CASKIN1: variants seen among roughly 807,000 people sequenced by gnomAD.
CASKIN1 encodes CASK interacting protein 1.
A neutral mutation model predicts 117.5 loss-of-function variants in CASKIN1; 42 were observed. That is an observed-to-expected ratio of 0.36 (90% CI 0.28 to 0.46). CASKIN1 has a LOEUF of 0.46. CASKIN1 is among the 20% of genes least tolerant of loss of function. The pLI is 1.00. For missense variants in CASKIN1, 2,083 were observed against 2,077.3 expected (o/e 1.00, Z -0.05); for synonymous variants, 1,148 against 961.7 (o/e 1.19, Z -3.59).
intron 19 of CASKIN1, 22 bp downstream of exon 19, chr16:2,178,880 C>G: frequency 7.1e-7 from 1 of 1,418,302 alleles, no homozygotes; most frequent in Non-Finnish European, 9.1e-7. Flanking sequence ...CCTCCGCCCG[C>G]CAGGCCCCGC....
At position 2,182,268 on chromosome 16, in the gene CASKIN1, G is replaced by A. The variant is rs1401179978; in HGVS notation, c.1630-339C>T. ...ACACACCCGAGTCATGGACACAGAC[G>A]CATGGGGCCACACCTGGTACAGGAA... On this transcript the variant is annotated intron_variant, in intron 16 of 19. Transcript: ENST00000343516. This position sits in a 1 kb window ranked among gnomAD's most constrained non-coding sequence, Gnocchi z 4.1. Among the ~76,000 whole-genome samples the A allele has an allele frequency of 2.0e-5, 3 of 151,970 alleles. No homozygotes were observed. The highest frequency in any genetic ancestry group is 2.9e-5 in the Non-Finnish European group (2 of 67,976).
intron 1 of CASKIN1, among the ~76,000 whole-genome samples, chr16:2,192,330 A>C (rs577821899): frequency 1.3e-5 from 2 of 151,124 alleles, no homozygotes; most frequent in African/African-American, 4.9e-5. Context: ...AGAGAACATG[A>C]ATCAGATCTT....
In CASKIN1 at chr16:2,180,749, C is replaced by G; in HGVS notation, c.2619G>C (p.Pro873=). 7 of 1,439,152 alleles carry G rather than the reference C, an allele frequency of 4.9e-6. No individual in the cohort carries two copies. Among genetic ancestry groups the G allele is most frequent in the Non-Finnish European group, 6.3e-6 (7 of 1,104,034 alleles). The allele number at this position is 1,439,152 out of a possible 1,614,324, so 89.1% of individuals were successfully genotyped here. Residue 873 remains proline, a synonymous_variant, in exon 18 of 20, where the codon CCG becomes CCC. Coordinates refer to ENST00000343516, the MANE Select transcript of CASKIN1 (RefSeq NM_020764.4). ...LCLPPEADAE[P]GRPKKRAHSL... is the part of the protein sequence containing the mutation. Reference sequence around the variant, plus strand: ...TGTGGGCCCGCTTCTTGGGCCGCCCCGGCTCCGCGTCGGCCTCAGGGGGCA... The same window carrying G: ...TGTGGGCCCGCTTCTTGGGCCGCCCGGGCTCCGCGTCGGCCTCAGGGGGCA...
intron 14 of CASKIN1, 85 bp downstream of exon 14, chr16:2,184,692 G>T (rs557306538): frequency 1.6e-6 from 2 of 1,224,440 alleles, no homozygotes; most frequent in East Asian, 2.8e-5. Context: ...TGCCAGGCCA[G>T]GCAGGCCGTG....
At position 2,181,474 on chromosome 16, in the gene CASKIN1, CGAT is replaced by C. The variant is rs770027178; in HGVS notation, c.1891_1893del (p.Ile631del). The C allele has an allele frequency of 1.4e-5, 22 of 1,611,516 alleles. 1 individual carries two copies. Among genetic ancestry groups the C allele is most frequent in the Middle Eastern group, 3.3e-4 (2 of 6,078 alleles). The stretch of plus-strand genomic sequence containing the variant: ...GTGGGCTCAGGCGGGGGCGGCGACT[CGAT>C]GGCCATCACTTCAAGAGACTGGGGC... On this transcript the variant is annotated inframe_deletion, in exon 18 of 20. Transcript: ENST00000343516.
intron 6 of CASKIN1, among the ~76,000 whole-genome samples, chr16:2,188,413 C>T (rs183227656): frequency 1.5e-4 from 23 of 151,890 alleles, no homozygotes; most frequent in Middle Eastern, 3.4e-3. Flanking sequence ...TACAGTGGCA[C>T]AATCATCGCT....
At chr16:2,190,024 C>G (rs747430791) in intron 3 of CASKIN1, 49 bp downstream of exon 3, 2 of 1,518,330 alleles carry the variant, frequency 1.3e-6, no homozygotes, top group Admixed American at 1.7e-5. Flanking sequence ...GGGAGCCCCC[C>G]TCGCTGCCCC....
chr16:2,178,025 A>G lies in CASKIN1; in HGVS notation c.*525T>C. 2.3e-6 allele frequency: 1 copy of G among 435,920 alleles called. No individual in the cohort carries two copies. Among genetic ancestry groups the G allele is most frequent in the Non-Finnish European group, 4.3e-6 (1 of 231,592 alleles). The allele number at this position is 435,920 out of a possible 1,614,324, so 27.0% of individuals were successfully genotyped here. ...TAAATGGTTTTCTATAGAATCAATA[A>G]TATTTCTTTCTTTAAATATATATTT... On this transcript the variant is annotated 3_prime_UTR_variant, in exon 20 of 20. Coordinates refer to ENST00000343516, the MANE Select transcript of CASKIN1 (RefSeq NM_020764.4).
rs2093167165 is a variant in CASKIN1, at chr16:2,181,304, G to A, written c.2064C>T (p.Ala688=). The A allele has an allele frequency of 6.2e-7, 1 of 1,603,580 alleles. No homozygotes were observed. The highest frequency in any genetic ancestry group is 1.3e-5 in the African/African-American group (1 of 74,852). The change falls in exon 18 of 20, where the codon GCC becomes GCT. Residue 688 remains alanine (A), a synonymous_variant. Transcript: ENST00000343516. ...PSSHLPPTPR[A]TTRQDSSLGG... Reference sequence around the variant, plus strand: ...CCAGGCTGGAGTCCTGCCGCGTGGTGGCCCTCGGGGTGGGTGGCAGGTGGC... The same window carrying A: ...CCAGGCTGGAGTCCTGCCGCGTGGTAGCCCTCGGGGTGGGTGGCAGGTGGC...
chr16:2,183,578 G>A (rs550288397), intron 16 of CASKIN1, 68 bp downstream of exon 16: 2 of 1,484,216 alleles, frequency 1.3e-6, no homozygotes, highest in South Asian at 2.3e-5. Context: ...GGCCAGGGAG[G>A]CAGGTTCTCT....
Position 2,179,587 on chromosome 16 carries a change from G to A in CASKIN1, c.3775+6C>T. 7.0e-7 allele frequency: 1 copy of A among 1,438,490 alleles called. No homozygotes were observed. The highest frequency in any genetic ancestry group is 2.6e-5 in the East Asian group (1 of 38,790). 89.1% of individuals were successfully genotyped at this position (1,438,490 alleles called of 1,614,324 possible). A position where few individuals can be genotyped will look rare whatever the true frequency, so the allele number is the denominator to read the frequency against. ...TTGCCCCTTCACCCCACCCTGGCTGGCCTACCTGGGCTGCCAGGGCCTGGC... is the reference window on the plus strand; with the variant it reads ...TTGCCCCTTCACCCCACCCTGGCTGACCTACCTGGGCTGCCAGGGCCTGGC... On this transcript the variant is annotated splice_donor_region_variant and intron_variant, in intron 18 of 19. Coordinates refer to ENST00000343516, the MANE Select transcript of CASKIN1 (RefSeq NM_020764.4). The surrounding 1 kb of genome is among the most constrained non-coding windows in gnomAD (Gnocchi z 5.8).
In CASKIN1 at chr16:2,182,141, A is replaced by G. The variant is rs888818737; in HGVS notation, c.1630-212T>C. Among the ~76,000 whole-genome samples the G allele has an allele frequency of 3.9e-5, 6 of 152,138 alleles. No individual in the cohort carries two copies. The highest frequency in any genetic ancestry group is 9.7e-5 in the African/African-American group (4 of 41,412). ...TGCCGCATATCGCACACATGCGCAC[A>G]CACGCACGGCTGCCCACATCCACAG... On this transcript the variant is annotated intron_variant, in intron 16 of 19. Transcript: ENST00000343516. The surrounding 1 kb of genome is among the most constrained non-coding windows in gnomAD (Gnocchi z 4.1).
At chr16:2,189,585 G>A (rs1451041013) in intron 3 of CASKIN1, 21 bp from the exon 4 acceptor site, 1 of 1,582,610 alleles carries the variant, frequency 6.3e-7, no homozygotes, top group Admixed American at 1.7e-5. Flanking sequence ...AGGGGATGCT[G>A]GGAGCTGACC....
intron 1 of CASKIN1, 143 bp from the exon 2 acceptor site, chr16:2,190,501 G>A (rs756733428): frequency 4.5e-5 from 33 of 736,852 alleles, no homozygotes; most frequent in Non-Finnish European, 6.9e-5. Flanking sequence ...TCGTCCACTC[G>A]TGCACTCACG....
Position 2,181,936 on chromosome 16 carries a change from A to G in CASKIN1, c.1630-7T>C, listed in dbSNP as rs746893236. 5 of 1,613,124 alleles carry G rather than the reference A, an allele frequency of 3.1e-6. No homozygotes were observed. The highest frequency in any genetic ancestry group is 4.2e-6 in the Non-Finnish European group (5 of 1,179,766). On this transcript the variant is annotated splice_polypyrimidine_tract_variant and splice_region_variant and intron_variant, in intron 16 of 19. Transcript: ENST00000343516. ...GCCACACGGCCAGGTTAGCCTACAG[A>G]GCAGACACACAGAGGAGCCACCTGG...
At position 2,190,512 on chromosome 16, in the gene CASKIN1, C is replaced by T. The variant is rs374301890; in HGVS notation, c.95-154G>A. Among the ~76,000 whole-genome samples the T allele has an allele frequency of 2.2e-4, 33 of 152,348 alleles. No homozygotes were observed. The South Asian group carries it at 6.2e-3, about 29-fold the overall frequency. On this transcript the variant is annotated intron_variant, in intron 1 of 19. Transcript: ENST00000343516. ...TCACTCGTCCACTCGTGCACTCACGCGTTCAGCTCTGCCCCGCAGCCTGCC... is the reference window on the plus strand; with the variant it reads ...TCACTCGTCCACTCGTGCACTCACGTGTTCAGCTCTGCCCCGCAGCCTGCC...
Position 2,179,740 on chromosome 16 carries a change from G to T in CASKIN1, c.3628C>A (p.Pro1210Thr). The T allele has an allele frequency of 6.4e-7, 1 of 1,556,956 alleles. No homozygotes were observed. Among genetic ancestry groups the T allele is most frequent in the East Asian group, 2.4e-5 (1 of 42,468 alleles). The change falls in exon 18 of 20, where the codon CCA becomes ACA. Residue 1210 changes from proline to threonine, a missense_variant. Pro to Thr is a conservative substitution (Grantham distance 38). Transcript: ENST00000343516. This position sits in a 1 kb window ranked among gnomAD's most constrained non-coding sequence, Gnocchi z 5.8. ...PPPTDLAHLP[P>T]LPPPEGEARK... ...GCTTCGCCCTCGGGCGGGGGCAATGGGGGTAGGTGCGCCAGGTCGGTGGGC... is the reference window on the plus strand; with the variant it reads ...GCTTCGCCCTCGGGCGGGGGCAATGTGGGTAGGTGCGCCAGGTCGGTGGGC...
rs1157684998 is a variant in CASKIN1 at position 2,177,513 on chromosome 16, CAGG to C, written c.*1034_*1036del. The stretch of plus-strand genomic sequence containing the variant: ...ACCAGTCAGTACTTCTTGGAGGGGG[CAGG>C]AGGAGAGAGGAAAAGGGAGGGCGAG... On this transcript the variant is annotated 3_prime_UTR_variant, in exon 20 of 20. Transcript: ENST00000343516. 8.6e-6 allele frequency: 2 copies of C among 233,528 alleles called. No individual in the cohort carries two copies. The highest frequency in any genetic ancestry group is 5.6e-5 in the Admixed American group (1 of 17,874). 14.5% of individuals were successfully genotyped at this position (233,528 alleles called of 1,614,324 possible). A position where few individuals can be genotyped will look rare whatever the true frequency, so the allele number is the denominator to read the frequency against.
chr16:2,180,539 C>T lies in CASKIN1; in HGVS notation c.2829G>A (p.Lys943=), dbSNP rs2093163966. The change falls in exon 18 of 20, where the codon AAG becomes AAA. Residue 943 remains lysine (K), a synonymous_variant. Transcript: ENST00000343516. Reference sequence around the variant, plus strand: ...GCTTGGGTGGGGGCGGCGGGGGCCCCTTCTTTCGGGGCCGCACGGCAAAGG... The same window carrying T: ...GCTTGGGTGGGGGCGGCGGGGGCCCTTTCTTTCGGGGCCGCACGGCAAAGG... The part of the protein sequence containing the change: ...SQSFAVRPRK[K]GPPPPPPKRS... 6.5e-7 allele frequency: 1 copy of T among 1,544,932 alleles called. No individual in the cohort carries two copies. The highest frequency in any genetic ancestry group is 1.4e-5 in the African/African-American group (1 of 73,222).
Sources: gnomAD v4.1 joint callset for allele counts (sites outside exome capture counted in the v4.1 genomes callset) on GRCh38, gnomAD v4.1.1 for gene constraint, Gnocchi (gnomAD v3.1) non-coding constraint, MANE v1.5 for transcripts, NCBI Gene and HGNC (gene_info 2026-07-23, HGNC 2026-07-21) for gene names.